C3orf20: variants seen among roughly 807,000 people sequenced by gnomAD.
C3orf20 encodes family with sequence similarity 149 member C.
C3orf20 carries 76 observed loss-of-function variants against 88.3 expected under a neutral mutation model. The observed-to-expected ratio is 0.86, with a 90% confidence interval of 0.72 to 1.04. C3orf20 has a LOEUF of 1.04. Ranked by LOEUF, C3orf20 falls within the 50% of genes least tolerant of loss-of-function variation. The pLI, the probability that C3orf20 is intolerant of heterozygous loss-of-function variation, is 0.00. For missense variants in C3orf20, 1,056 were observed against 1,123.3 expected (o/e 0.94, Z 0.86); for synonymous variants, 436 against 437.4 (o/e 1.00, Z 0.04).
At chr3:14,744,273 C>A (rs1410219723) in intron 12 of C3orf20, among the ~76,000 whole-genome samples, 1 of 151,984 alleles carries the variant, frequency 6.6e-6, no homozygotes, top group African/African-American at 2.4e-5. Flanking sequence ...GGGCAAAATG[C>A]TACCAGTCTC....
chr3:14,683,052 A>G lies in C3orf20; in HGVS notation c.339A>G (p.Ala113=). The G allele has an allele frequency of 6.2e-7, 1 of 1,611,470 alleles. No homozygotes were observed. The change falls in exon 3 of 17, where the codon GCA becomes GCG. Residue 113 remains alanine (A), a synonymous_variant. Transcript: ENST00000253697. Reference sequence around the variant, plus strand: ...CAGTGCTGCTGGCAACCACTGGGGCAGCCAAGCGCTCCACCCTCTCTCCCA... The same window carrying G: ...CAGTGCTGCTGGCAACCACTGGGGCGGCCAAGCGCTCCACCCTCTCTCCCA... ...PRPVLLATTG[A]AKRSTLSPTM... is the part of the protein sequence containing the mutation.
chr3:14,677,081 T>C (rs896230596), intron 1 of C3orf20, among the ~76,000 whole-genome samples: 2 of 152,204 alleles, frequency 1.3e-5, no homozygotes, highest in African/African-American at 4.8e-5. Context: ...GCTCACAAAT[T>C]GCAGTCACGC....
chr3:14,769,667 CT>C (rs2035808778), intron 15 of C3orf20, among the ~76,000 whole-genome samples: 1 of 152,174 alleles, frequency 6.6e-6, no homozygotes, highest in South Asian at 2.1e-4. Context: ...GAGCTTACCC[CT>C]GCAAGCATCA....
At chr3:14,699,468 G>A (rs545638847) in intron 5 of C3orf20, among the ~76,000 whole-genome samples, 1 of 152,226 alleles carries the variant, frequency 6.6e-6, no homozygotes, top group South Asian at 2.1e-4. Context: ...GTCAGCGGGT[G>A]ATGGGTCCTG....
intron 13 of C3orf20, among the ~76,000 whole-genome samples, chr3:14,758,863 C>G (rs934056382): frequency 7.2e-5 from 11 of 152,206 alleles, no homozygotes; most frequent in Non-Finnish European, 1.0e-4. Flanking sequence ...TGTTTGTTTT[C>G]CAGAGCCAAC....
chr3:14,722,388 C>G (rs2034194815), intron 10 of C3orf20: 1 of 438,696 alleles, frequency 2.3e-6, no homozygotes, highest in Non-Finnish European at 4.6e-6. Flanking sequence ...AGGCTCATGT[C>G]CATCCTGGGG....
chr3:14,714,042 C>T lies in C3orf20; in HGVS notation c.1196C>T (p.Pro399Leu). 1 of 1,614,140 alleles carries T rather than the reference C, an allele frequency of 6.2e-7. No homozygotes were observed. Among genetic ancestry groups the T allele is most frequent in the Non-Finnish European group, 8.5e-7 (1 of 1,180,022 alleles). Residue 399 changes from proline (P) to leucine (L), a missense_variant, in exon 8 of 17, where the codon CCC (proline) becomes CTC (leucine). Transcript: ENST00000253697. ...GGAAACGTCGCTGTATGTCAGATCC[C>T]CACATGCTGCAGAGGGAGAACCATC... The part of the protein sequence containing the change: ...PSGNVAVCQI[P>L]TCCRGRTITC...
chr3:14,696,119 G>GT (rs35824281), intron 5 of C3orf20, among the ~76,000 whole-genome samples: 46,587 of 143,778 alleles, frequency 0.32, 7,518 homozygotes, highest in East Asian at 0.37. Context: ...TAAATTTCTT[G>GT]TTTTTTTTTT....
At chr3:14,686,214 C>T (rs2032425158) in intron 4 of C3orf20, among the ~76,000 whole-genome samples, 1 of 33,824 alleles carries the variant, frequency 3.0e-5, no homozygotes, top group Non-Finnish European at 6.7e-5. Context: ...GTGTGTGTGA[C>T]ATTTTCTTTA....
chr3:14,744,073 G>A lies in C3orf20; in HGVS notation c.1941-13298G>A, dbSNP rs138659859. Among the ~76,000 whole-genome samples the A allele has an allele frequency of 3.4e-3, 518 of 152,110 alleles. 12 individuals are homozygous for A. The highest frequency in any genetic ancestry group is 0.012 in the African/African-American group (477 of 41,376). On this transcript the variant is annotated intron_variant, in intron 12 of 16. Transcript: ENST00000253697. ...AACTTGAATTTCTCCCCAGAAAATG[G>A]GCTTTTCTTTTCTATCACATAGTCA...
chr3:14,736,319 C>T lies in C3orf20; in HGVS notation c.1940+7631C>T, dbSNP rs570928873. ...CACTTTTTTTTTTTTGAGACAGAGT[C>T]TTGCTCTGTTGCCCAGGCTAGAGTG... On this transcript the variant is annotated intron_variant, in intron 12 of 16. Coordinates refer to ENST00000253697, the MANE Select transcript of C3orf20 (RefSeq NM_032137.5). 9.3e-4 allele frequency among the ~76,000 whole-genome samples: 137 copies of T among 147,576 alleles called. 1 individual carries two copies. Among genetic ancestry groups the T allele is most frequent in the African/African-American group, 3.2e-3 (129 of 39,898 alleles).
intron 15 of C3orf20, among the ~76,000 whole-genome samples, chr3:14,770,902 A>G (rs1473036171): frequency 6.6e-6 from 1 of 152,248 alleles, no homozygotes; most frequent in Non-Finnish European, 1.5e-5. Flanking sequence ...AACATCCCGT[A>G]ACTCAGAAAC....
Position 14,726,787 on chromosome 3 carries a change from G to T in C3orf20, c.1567-114G>T, listed in dbSNP as rs112264158. ...AGAGGTGTGTTCCAGGTAGGGGTAG[G>T]GGGGCAGGCAATAGCACATCCTCTG... On this transcript the variant is annotated intron_variant, in intron 10 of 16. Coordinates refer to ENST00000253697, the MANE Select transcript of C3orf20 (RefSeq NM_032137.5). The T allele has an allele frequency of 2.0e-3, 2,870 of 1,435,676 alleles. 44 individuals are homozygous for T. The African/African-American group carries it at 0.034, about 17-fold the overall frequency. The allele number at this position is 1,435,676 out of a possible 1,614,324, so 88.9% of individuals were successfully genotyped here. A position where few individuals can be genotyped will look rare whatever the true frequency, so the allele number is the denominator to read the frequency against.
intron 15 of C3orf20, among the ~76,000 whole-genome samples, chr3:14,771,779 G>A (rs899792267): frequency 2.0e-5 from 3 of 152,156 alleles, no homozygotes; most frequent in Admixed American, 6.5e-5. Context: ...CTCTCCTGTG[G>A]TCACTTACGG....
rs76280459 is a variant in C3orf20 at position 14,761,849 on chromosome 3, G to A, written c.2495+234G>A. Among the ~76,000 whole-genome samples the A allele has an allele frequency of 5.8e-3, 882 of 152,240 alleles. 23 individuals carry two copies. The East Asian group carries it at 0.092, about 16-fold the overall frequency. ...GATGGGAGCAGGTGCAGAGTGGGAG[G>A]GGGTGTGTGAGCAAAGCCATGTTGT... On this transcript the variant is annotated intron_variant, in intron 15 of 16. Transcript: ENST00000253697.
chr3:14,771,151 G>T (rs80334772), intron 15 of C3orf20, among the ~76,000 whole-genome samples: 11 of 152,214 alleles, frequency 7.2e-5, no homozygotes, highest in African/African-American at 2.7e-4. Flanking sequence ...GGCTCCAGAA[G>T]GACCCTCGCC....
chr3:14,707,129 G>A (rs2033537694), intron 7 of C3orf20, among the ~76,000 whole-genome samples: 1 of 150,750 alleles, frequency 6.6e-6, no homozygotes, highest in Admixed American at 6.7e-5. Context: ...GGCGCCTGTA[G>A]TCCCAGCTAC....
intron 5 of C3orf20, among the ~76,000 whole-genome samples, chr3:14,698,844 G>A (rs993382894): frequency 1.3e-5 from 2 of 152,220 alleles, no homozygotes; most frequent in African/African-American, 4.8e-5. Context: ...CCAGGTTTCT[G>A]TTCTTCCCTT....
intron 5 of C3orf20, among the ~76,000 whole-genome samples, chr3:14,690,516 A>G (rs1284897794): frequency 2.6e-5 from 4 of 152,216 alleles, no homozygotes; most frequent in African/African-American, 7.2e-5. Flanking sequence ...AGGTATTTGG[A>G]TACCAAACCT....
Sources: allele counts gnomAD v4.1 joint callset (sites outside exome capture counted in the v4.1 genomes callset), GRCh38; gene constraint gnomAD v4.1.1; transcripts MANE v1.5; gene names NCBI Gene and HGNC (gene_info 2026-07-23, HGNC 2026-07-21).